Variants in EBF1 observed in about 807,000 individuals in gnomAD.
The protein encoded by EBF1 is EBF transcription factor 1.
In EBF1, 10 loss-of-function variants were observed where a neutral mutation model predicts 68.4. The observed-to-expected ratio is 0.15, with a 90% CI of 0.09 to 0.25. The LOEUF is 0.25. Ranked by LOEUF, EBF1 falls within the 10% of genes least tolerant of loss-of-function variation. The pLI, the probability that EBF1 is intolerant of heterozygous loss-of-function variation, is 1.00. For missense variants in EBF1, 509 were observed against 794.4 expected (o/e 0.64, Z 4.32); for synonymous variants, 298 against 299.8 (o/e 0.99, Z 0.06).
intron 11 of EBF1, among the ~76,000 whole-genome samples, chr5:158,726,366 TAGA>T (rs1276904173): frequency 1.3e-5 from 2 of 152,228 alleles, no homozygotes; most frequent in East Asian, 3.9e-4. Flanking sequence ...TGAGCTAAAT[TAGA>T]AGGTCAGGCA....
intron 6 of EBF1, among the ~76,000 whole-genome samples, chr5:158,976,696 G>A (rs1001813019): frequency 1.3e-5 from 2 of 152,128 alleles, no homozygotes; most frequent in Admixed American, 1.3e-4. Context: ...ACCTAAAAAT[G>A]TAATTATAAT....
At chr5:158,902,487 G>C (rs1439821240) in intron 6 of EBF1, among the ~76,000 whole-genome samples, 2 of 150,710 alleles carry the variant, frequency 1.3e-5, no homozygotes, top group African/African-American at 4.9e-5. Context: ...AGTTGCAGTG[G>C]TGCAATCATA....
At chr5:158,955,535 G>A (rs1050757436) in intron 6 of EBF1, among the ~76,000 whole-genome samples, 4 of 152,182 alleles carry the variant, frequency 2.6e-5, no homozygotes, top group African/African-American at 7.2e-5. Flanking sequence ...GACCTGGAAT[G>A]TGACTGACTT....
rs182542056 is a variant in EBF1, at chr5:159,017,400, C to T, written c.554+55996G>A. 1.9e-3 allele frequency among the ~76,000 whole-genome samples: 282 copies of T among 152,334 alleles called. 1 individual carries two copies. The highest frequency in any genetic ancestry group is 2.7e-3 in the Non-Finnish European group (184 of 68,032). ...TCTGATAACCCTGGGTTCAAATTCT[C>T]CAACAGCAACGGAGCAGAGAGAACT... On this transcript the variant is annotated intron_variant, in intron 6 of 15. Transcript: ENST00000313708.
chr5:158,990,201 C>G (rs1197783618), intron 6 of EBF1, among the ~76,000 whole-genome samples: 2 of 152,148 alleles, frequency 1.3e-5, no homozygotes, highest in African/African-American at 4.8e-5. Flanking sequence ...CACCCTGATA[C>G]CAGGATGGCA....
intron 6 of EBF1, among the ~76,000 whole-genome samples, chr5:159,045,945 C>T (rs1279733020): frequency 6.6e-6 from 1 of 152,156 alleles, no homozygotes; most frequent in East Asian, 1.9e-4. Context: ...TCCCCATAGC[C>T]TATCTGAGCT....
intron 14 of EBF1, among the ~76,000 whole-genome samples, chr5:158,708,620 A>G (rs1470523006): frequency 2.0e-5 from 3 of 152,226 alleles, no homozygotes; most frequent in African/African-American, 7.2e-5. Flanking sequence ...AACAGTGAGA[A>G]AGGTGAACAT....
intron 9 of EBF1, among the ~76,000 whole-genome samples, chr5:158,780,184 G>A (rs1776153579): frequency 1.3e-5 from 2 of 152,196 alleles, no homozygotes; most frequent in African/African-American, 4.8e-5. Flanking sequence ...GCTAGTGATA[G>A]TTTAAAGCTA....
intron 8 of EBF1, among the ~76,000 whole-genome samples, chr5:158,818,312 T>G (rs1784158325): frequency 6.6e-6 from 1 of 152,038 alleles, no homozygotes; most frequent in African/African-American, 2.4e-5. Context: ...ACCAAACAAA[T>G]GAAAAACACA....
intron 5 of EBF1, among the ~76,000 whole-genome samples, chr5:159,074,109 T>G (rs2127947048): frequency 1.3e-5 from 2 of 152,328 alleles, no homozygotes; most frequent in South Asian, 4.1e-4. Flanking sequence ...AAAAGCCTGT[T>G]CTGACCCTCA....
At chr5:158,710,307 G>A (rs948776263) in intron 14 of EBF1, among the ~76,000 whole-genome samples, 7 of 152,174 alleles carry the variant, frequency 4.6e-5, no homozygotes, top group Admixed American at 2.6e-4. Context: ...AGGCTGAAGC[G>A]GCTGAGTGTC....
At chr5:158,927,096 A>T (rs556807697) in intron 6 of EBF1, among the ~76,000 whole-genome samples, 1 of 152,342 alleles carries the variant, frequency 6.6e-6, no homozygotes, top group South Asian at 2.1e-4. Flanking sequence ...GAAGATGCAT[A>T]AAAAGATTTG....
intron 10 of EBF1, among the ~76,000 whole-genome samples, chr5:158,758,184 G>A (rs1770558361): frequency 1.3e-5 from 2 of 152,102 alleles, no homozygotes; most frequent in African/African-American, 4.8e-5. Flanking sequence ...TCTCTCTATG[G>A]CCAGAGGGCA....
intron 6 of EBF1, among the ~76,000 whole-genome samples, chr5:159,026,725 A>C (rs1273697990): frequency 6.6e-6 from 1 of 152,254 alleles, no homozygotes; most frequent in South Asian, 2.1e-4. Flanking sequence ...AGACATCGAA[A>C]TCTACTACAT....
chr5:158,932,812 T>C lies in EBF1; in HGVS notation c.555-92702A>G, dbSNP rs142205112. 4.5e-3 allele frequency among the ~76,000 whole-genome samples: 688 copies of C among 152,354 alleles called. 4 individuals are homozygous for C. Among genetic ancestry groups the C allele is most frequent in the African/African-American group, 0.015 (634 of 41,572 alleles). ...CAGAACACTCCTTTAAAAGTATCTCTGTACATCAAACCCATAATAGTTACC... is the reference window on the plus strand; with the variant it reads ...CAGAACACTCCTTTAAAAGTATCTCCGTACATCAAACCCATAATAGTTACC... On this transcript the variant is annotated intron_variant, in intron 6 of 15. Transcript: ENST00000313708.
At chr5:158,978,676 G>A (rs1757258462) in intron 6 of EBF1, among the ~76,000 whole-genome samples, 1 of 151,296 alleles carries the variant, frequency 6.6e-6, no homozygotes, top group African/African-American at 2.4e-5. Flanking sequence ...AGACTTTTAA[G>A]TCTAAAAACA....
At chr5:159,079,706 G>A (rs922497877) in intron 5 of EBF1, among the ~76,000 whole-genome samples, 9 of 150,108 alleles carry the variant, frequency 6.0e-5, no homozygotes, top group Admixed American at 5.3e-4. Context: ...CCACCTCCTG[G>A]GTTCAAGTGA....
intron 6 of EBF1, among the ~76,000 whole-genome samples, chr5:158,905,560 A>C (rs375596396): frequency 6.6e-6 from 1 of 152,172 alleles, no homozygotes; most frequent in African/African-American, 2.4e-5. Flanking sequence ...TATTTATCTT[A>C]CTGAAAAATG....
rs542641635 is a variant in EBF1, at chr5:158,899,935, C to T, written c.555-59825G>A. ...GTGGGAGAAGATGGATTGCTCATCG[C>T]CCTCCCACTCTGTGGCCCTCTTTTG... On this transcript the variant is annotated intron_variant, in intron 6 of 15. Coordinates refer to ENST00000313708, the MANE Select transcript of EBF1 (RefSeq NM_024007.5). 1.7e-4 allele frequency among the ~76,000 whole-genome samples: 26 copies of T among 152,274 alleles called. No homozygotes were observed. In the South Asian group the frequency reaches 5.4e-3, roughly 32 times the overall value.
Sources: gnomAD v4.1 joint callset for allele counts (sites outside exome capture counted in the v4.1 genomes callset) on GRCh38, gnomAD v4.1.1 for gene constraint, MANE v1.5 for transcripts, NCBI Gene and HGNC (gene_info 2026-07-23, HGNC 2026-07-21) for gene names.